SLC26A4: variants seen among roughly 807,000 people sequenced by gnomAD.
The protein encoded by SLC26A4 is solute carrier family 26 member 4.
Under a neutral mutation model 90.4 loss-of-function variants are expected in SLC26A4, and 93 were observed. The ratio of observed to expected loss-of-function variants is 1.03; its 90% confidence interval spans 0.87 to 1.22. The LOEUF is 1.22. SLC26A4 is among the 50% of genes most tolerant of loss of function. The probability of loss-of-function intolerance (pLI) is 0.00; values close to 1 mark genes in which losing one functional copy is unlikely to be tolerated. For missense variants in SLC26A4, 1,127 were observed against 946.2 expected (o/e 1.19, Z -2.51); for synonymous variants, 393 against 354.6 (o/e 1.11, Z -1.22).
Position 107,661,696 on chromosome 7 carries a change from A to G in SLC26A4, c.55A>G (p.Ser19Gly). ...GCCGCAGCTCCCCGAGTACAGCTGC[A>G]GCTACATGGTGTCGCGGCCGGTCTA... Reference protein sequence around the residue: ...EPPQLPEYSCSYMVSRPVYSE... With the variant: ...EPPQLPEYSCGYMVSRPVYSE... Residue 19 changes from serine (S) to glycine (G), a missense_variant, in exon 2 of 21, where the codon AGC becomes GGC. By Grantham distance (56) the Ser-to-Gly change is moderately conservative. Coordinates refer to ENST00000644269, the MANE Select transcript of SLC26A4 (RefSeq NM_000441.2). The surrounding 1 kb of genome is among the most constrained non-coding windows in gnomAD (Gnocchi z 5.1). 1 of 1,572,802 alleles carries G rather than the reference A, an allele frequency of 6.4e-7. No homozygotes were observed. Among genetic ancestry groups the G allele is most frequent in the Non-Finnish European group, 8.6e-7 (1 of 1,163,294 alleles).
intron 8 of SLC26A4, among the ~76,000 whole-genome samples, chr7:107,685,484 G>T (rs1050385314): frequency 6.6e-6 from 1 of 152,098 alleles, no homozygotes; most frequent in African/African-American, 2.4e-5. Context: ...GCTGCTGCTC[G>T]TAGTTCCCTT....
chr7:107,710,198 C>A lies in SLC26A4; in HGVS notation c.2234C>A (p.Thr745Lys). 1 of 1,590,038 alleles carries A rather than the reference C, an allele frequency of 6.3e-7. No individual in the cohort carries two copies. The highest frequency in any genetic ancestry group is 8.6e-7 in the Non-Finnish European group (1 of 1,158,250). The change falls in exon 19 of 21, where the codon ACG becomes AAG. Residue 745 changes from threonine to lysine, a missense_variant and splice_region_variant. Transcript: ENST00000644269. ...GAGGGTCAAGGTTCCATTTTAGAAA[C>A]GGTAAATATTCAACCTTTCTACAGA... Reference protein sequence around the residue: ...SQEGQGSILETITLIQDCKDT... With the variant: ...SQEGQGSILEKITLIQDCKDT...
chr7:107,696,140 T>C (rs757625180), intron 13 of SLC26A4, 101 bp downstream of exon 13: 226 of 791,172 alleles, frequency 2.9e-4, no homozygotes, highest in Admixed American at 1.9e-4. Context: ...TCTTTCGTTA[T>C]AGTTACTGTA....
chr7:107,711,288 C>G (rs907524152), intron 19 of SLC26A4, among the ~76,000 whole-genome samples: 1 of 151,970 alleles, frequency 6.6e-6, no homozygotes, highest in Admixed American at 6.6e-5. Context: ...ATGAAGTATC[C>G]TTTAAGAGAT....
chr7:107,685,788 C>T (rs1408025145), intron 8 of SLC26A4, among the ~76,000 whole-genome samples: 2 of 152,240 alleles, frequency 1.3e-5, no homozygotes, highest in Non-Finnish European at 2.9e-5. Flanking sequence ...TTATCTGCAA[C>T]TCGTAATCTG....
At chr7:107,685,919 A>G (rs1268684240) in intron 8 of SLC26A4, among the ~76,000 whole-genome samples, 1 of 152,118 alleles carries the variant, frequency 6.6e-6, no homozygotes, top group Non-Finnish European at 1.5e-5. Flanking sequence ...AACCCATAAC[A>G]AGATTGACAG....
intron 3 of SLC26A4, among the ~76,000 whole-genome samples, chr7:107,670,130 G>C (rs1283150171): frequency 7.6e-6 from 1 of 132,254 alleles, no homozygotes; most frequent in Non-Finnish European, 1.6e-5. Flanking sequence ...TTTTTTTTGA[G>C]ATGGAGTCTT....
chr7:107,689,268 G>C, intron 9 of SLC26A4, 68 bp downstream of exon 9: 1 of 1,551,880 alleles, frequency 6.4e-7, no homozygotes, highest in Non-Finnish European at 8.9e-7. Context: ...AAATGGAAAA[G>C]ATTTTGGTGT....
At chr7:107,694,259 T>G in intron 10 of SLC26A4, 144 bp from the exon 11 acceptor site, 1 of 718,728 alleles carries the variant, frequency 1.4e-6, no homozygotes, top group Non-Finnish European at 2.5e-6. Flanking sequence ...AACTATCACT[T>G]TTCTCGACAG....
rs1332759898 is a variant in SLC26A4, at chr7:107,661,843, C to CG, written c.164+42dup. ...CGGGCCTGCGTAGAGAGAAGCGGAG[C>CG]GGGGCGTCCACGCCTTGGGGAGGGA... On this transcript the variant is annotated intron_variant, in intron 2 of 20. Transcript: ENST00000644269. This position sits in a 1 kb window ranked among gnomAD's most constrained non-coding sequence, Gnocchi z 5.1. The CG allele has an allele frequency of 6.6e-7, 1 of 1,523,238 alleles. No homozygotes were observed. The highest frequency in any genetic ancestry group is 8.8e-7 in the Non-Finnish European group (1 of 1,138,452). The allele number at this position is 1,523,238 out of a possible 1,614,324, so 94.4% of individuals were successfully genotyped here. A position where few individuals can be genotyped will look rare whatever the true frequency, so the allele number is the denominator to read the frequency against.
intron 8 of SLC26A4, among the ~76,000 whole-genome samples, chr7:107,688,323 G>A (rs1024833851): frequency 6.6e-6 from 1 of 152,112 alleles, no homozygotes; most frequent in Non-Finnish European, 1.5e-5. Flanking sequence ...ATGGCTGGGG[G>A]CCTCTGGAAT....
At chr7:107,672,854 G>A (rs142301050) in intron 4 of SLC26A4, among the ~76,000 whole-genome samples, 19 of 152,268 alleles carry the variant, frequency 1.2e-4, no homozygotes, top group African/African-American at 3.6e-4. Context: ...TTGTTAGAAT[G>A]TCCTAGTAAA....
chr7:107,696,094 C>T (rs1298603395), intron 13 of SLC26A4, 55 bp downstream of exon 13: 4 of 974,618 alleles, frequency 4.1e-6, no homozygotes, highest in Non-Finnish European at 6.7e-6. Flanking sequence ...CTCTGAGCTT[C>T]CTTATACCAT....
intron 3 of SLC26A4, among the ~76,000 whole-genome samples, chr7:107,671,660 G>A (rs537064625): frequency 2.0e-5 from 3 of 152,310 alleles, no homozygotes; most frequent in South Asian, 2.1e-4. Flanking sequence ...ACTCAGGACA[G>A]GCTGATCTGT....
intron 17 of SLC26A4, 71 bp from the exon 18 acceptor site, chr7:107,704,260 T>A: frequency 1.4e-6 from 1 of 728,012 alleles, no homozygotes; most frequent in Admixed American, 2.0e-5. Context: ...CCTGAGCAAG[T>A]AACTGAATGC....
At chr7:107,664,404 G>A (rs1036778913) in intron 3 of SLC26A4, among the ~76,000 whole-genome samples, 2 of 152,268 alleles carry the variant, frequency 1.3e-5, no homozygotes, top group Admixed American at 6.5e-5. Context: ...GCTAATTACT[G>A]TATTTTTAGT....
intron 19 of SLC26A4, among the ~76,000 whole-genome samples, 158 bp downstream of exon 19, chr7:107,710,357 A>G (rs930007297): frequency 6.6e-5 from 10 of 152,236 alleles, no homozygotes; most frequent in Non-Finnish European, 1.5e-4. Context: ...GGAAGTAAAA[A>G]CATTAACCTT....
At chr7:107,713,386 C>T (rs1792246616) in intron 20 of SLC26A4, among the ~76,000 whole-genome samples, 1 of 152,200 alleles carries the variant, frequency 6.6e-6, no homozygotes, top group Non-Finnish European at 1.5e-5. Context: ...GTTACTTGTG[C>T]TTACAGAACT....
intron 16 of SLC26A4, 53 bp downstream of exon 16, chr7:107,701,249 A>G: frequency 1.8e-6 from 2 of 1,109,080 alleles, no homozygotes; most frequent in African/African-American, 1.5e-5. Flanking sequence ...CCCTGATGAG[A>G]GCAGTTAGAG....
Sources: gnomAD v4.1 joint callset for allele counts (sites outside exome capture counted in the v4.1 genomes callset) on GRCh38, gnomAD v4.1.1 for gene constraint, Gnocchi (gnomAD v3.1) non-coding constraint, MANE v1.5 for transcripts, NCBI Gene and HGNC (gene_info 2026-07-23, HGNC 2026-07-21) for gene names.